Variants in CPEB2 observed in about 807,000 individuals in gnomAD.
CPEB2 encodes the protein cytoplasmic polyadenylation element-binding protein 2.
CPEB2 carries 56 observed loss-of-function variants against 93.6 expected under a neutral mutation model. That is an observed-to-expected ratio of 0.60 (90% confidence interval 0.48 to 0.75). CPEB2 has a LOEUF of 0.75. Among genes scored for constraint, CPEB2 ranks in the 30% least tolerant of loss-of-function variants. CPEB2 has a pLI of 0.00. For missense variants in CPEB2, 1,579 were observed against 1,395.1 expected (o/e 1.13, Z -2.10); for synonymous variants, 764 against 586.3 (o/e 1.30, Z -4.38).
At chr4:15,063,562 A>G (rs1319434512) in intron 11 of CPEB2, among the ~76,000 whole-genome samples, 2 of 152,110 alleles carry the variant, frequency 1.3e-5, no homozygotes, top group Admixed American at 6.6e-5. Flanking sequence ...AATTGGTTAT[A>G]AAGCTCCGGA....
At position 15,052,559 on chromosome 4, in the gene CPEB2, T is replaced by G. The variant is rs1560248999; in HGVS notation, c.2346T>G (p.Gly782=). Residue 782 remains glycine (G), a synonymous_variant, in exon 7 of 12, where the codon GGT becomes GGG. Transcript: ENST00000538197. ...IERFSRKVFV[G]GLPPDIDEDE... ...GCTTCTCTCGAAAAGTTTTTGTTGG[T>G]GGTCTTCCTCCAGATATTGATGAAG... 6.4e-7 allele frequency: 1 copy of G among 1,551,378 alleles called. No individual in the cohort carries two copies. Among genetic ancestry groups the G allele is most frequent in the Non-Finnish European group, 8.8e-7 (1 of 1,140,226 alleles).
At position 15,003,710 on chromosome 4, in the gene CPEB2, A is replaced by G. The variant is rs1299199687; in HGVS notation, c.1037A>G (p.Asp346Gly). Residue 346 changes from aspartate to glycine, a missense_variant, in exon 1 of 12, where the codon GAC becomes GGC. By Grantham distance (94) the Asp-to-Gly change is moderately conservative (BLOSUM62 -1). Around this residue, in one of 2 missense-constraint regions of CPEB2, gnomAD observed 1,411 missense variants for 1,056.0 expected, o/e 1.34. Transcript: ENST00000538197. The part of the protein sequence containing the change: ...AGAFSSLQSP[D>G]LPHPGGGGGG... ...GCCTTCAGCAGCCTGCAGAGCCCGG[A>G]CCTTCCACACCCGGGCGGCGGCGGC... 2 of 1,320,442 alleles carry G rather than the reference A, an allele frequency of 1.5e-6. No individual in the cohort carries two copies. The highest frequency in any genetic ancestry group is 3.7e-5 in the East Asian group (1 of 27,040). The allele number at this position is 1,320,442 out of a possible 1,614,324, so 81.8% of individuals were successfully genotyped here.
Position 15,003,496 on chromosome 4 carries a change from C to A in CPEB2, c.823C>A (p.Arg275Ser). The change falls in exon 1 of 12, where the codon CGC (arginine) becomes AGC (serine). Residue 275 changes from arginine (R) to serine (S), a missense_variant. By Grantham distance (110) the Arg-to-Ser change is moderately radical. Around this residue, in one of 2 missense-constraint regions of CPEB2, gnomAD observed 1,411 missense variants for 1,056.0 expected, o/e 1.34. Transcript: ENST00000538197. ...CTCGCCGCCTGCAGCCCCGCGGCGC[C>A]GCCACGGAGGCGCGGGCAGCCCTCG... ...PPSPPAAPRRRHGGAGSPRKT... is the reference protein window; with the variant it reads ...PPSPPAAPRRSHGGAGSPRKT... The A allele has an allele frequency of 7.1e-7, 1 of 1,405,194 alleles. No individual in the cohort carries two copies. The highest frequency in any genetic ancestry group is 1.5e-5 in the South Asian group (1 of 66,266). 87.0% of individuals were successfully genotyped at this position (1,405,194 alleles called of 1,614,324 possible).
At chr4:15,037,948 C>T (rs1234745722) in intron 5 of CPEB2, among the ~76,000 whole-genome samples, 1 of 152,016 alleles carries the variant, frequency 6.6e-6, no homozygotes, top group East Asian at 1.9e-4. Context: ...GAACATACTC[C>T]AGAAATTCAC....
At position 15,062,329 on chromosome 4, in the gene CPEB2, C is replaced by T. The variant is rs1201712978; in HGVS notation, c.2877+69C>T. ...GCTGATCCAAAGCCTCATACCCTAA[C>T]GAGTTAATAATATAATTTGAACACT... On this transcript the variant is annotated intron_variant, in intron 11 of 11. Transcript: ENST00000538197. 54 of 1,086,924 alleles carry T rather than the reference C, an allele frequency of 5.0e-5. No individual in the cohort carries two copies. The South Asian group carries it at 6.5e-4, about 13-fold the overall frequency. The allele number at this position is 1,086,924 out of a possible 1,614,324, so 67.3% of individuals were successfully genotyped here. A position where few individuals can be genotyped will look rare whatever the true frequency, so the allele number is the denominator to read the frequency against.
intron 10 of CPEB2, among the ~76,000 whole-genome samples, chr4:15,061,052 G>A (rs1230722979): frequency 2.6e-5 from 4 of 152,120 alleles, no homozygotes. Context: ...ATTGGAGCAG[G>A]TTTAATGGGA....
chr4:15,050,659 G>A (rs1728143181), intron 6 of CPEB2, among the ~76,000 whole-genome samples: 1 of 152,100 alleles, frequency 6.6e-6, no homozygotes, highest in Non-Finnish European at 1.5e-5. Context: ...ATCTCACATT[G>A]TTACTTAATT....
chr4:15,013,011 A>T (rs546292007), intron 3 of CPEB2, among the ~76,000 whole-genome samples: 1 of 152,126 alleles, frequency 6.6e-6, no homozygotes, highest in African/African-American at 2.4e-5. Flanking sequence ...ACTGCTTCTA[A>T]TATTGTACAC....
chr4:15,018,834 C>T (rs1322105475), intron 4 of CPEB2, among the ~76,000 whole-genome samples: 1 of 146,192 alleles, frequency 6.8e-6, no homozygotes, highest in Non-Finnish European at 1.5e-5. Flanking sequence ...TTAATTATCT[C>T]AGTTTTTCTT....
intron 10 of CPEB2, among the ~76,000 whole-genome samples, chr4:15,061,678 G>A (rs778079897): frequency 1.5e-4 from 23 of 150,276 alleles, no homozygotes; most frequent in Non-Finnish European, 2.8e-4. Flanking sequence ...TTTTTTTTAA[G>A]ATAGGAAAAT....
intron 5 of CPEB2, among the ~76,000 whole-genome samples, chr4:15,035,764 T>C (rs1409513145): frequency 6.6e-6 from 1 of 152,170 alleles, no homozygotes; most frequent in African/African-American, 2.4e-5. Flanking sequence ...AGGCACTGTT[T>C]CCTAAAGTGT....
At chr4:15,022,303 A>T (rs1724902522) in intron 4 of CPEB2, among the ~76,000 whole-genome samples, 1 of 152,192 alleles carries the variant, frequency 6.6e-6, no homozygotes, top group African/African-American at 2.4e-5. Flanking sequence ...AATAATATAC[A>T]TGCCAAAGCA....
chr4:15,003,881 A>C lies in CPEB2; in HGVS notation c.1208A>C (p.Gln403Pro). The change falls in exon 1 of 12, where the codon CAG becomes CCG. Residue 403 changes from glutamine to proline, a missense_variant. Gln to Pro is a moderately conservative substitution (Grantham distance 76, BLOSUM62 -1). Transcript: ENST00000538197. The part of the protein sequence containing the change: ...QPQQPPPTQP[Q>P]QQPPPPQQPP... Reference sequence around the variant, plus strand: ...CAGCAGCCGCCGCCGACCCAGCCGCAGCAGCAGCCGCCGCCACCCCAGCAG... The same window carrying C: ...CAGCAGCCGCCGCCGACCCAGCCGCCGCAGCAGCCGCCGCCACCCCAGCAG... The C allele has an allele frequency of 3.5e-6, 3 of 855,228 alleles. No individual in the cohort carries two copies. The highest frequency in any genetic ancestry group is 4.5e-5 in the East Asian group (1 of 22,360). The allele number at this position is 855,228 out of a possible 1,614,324, so 53.0% of individuals were successfully genotyped here.
chr4:15,024,071 A>T (rs1725143006), intron 4 of CPEB2, among the ~76,000 whole-genome samples: 1 of 152,074 alleles, frequency 6.6e-6, no homozygotes, highest in African/African-American at 2.4e-5. Flanking sequence ...CTAAGTATTT[A>T]TCATTAATTC....
intron 4 of CPEB2, among the ~76,000 whole-genome samples, chr4:15,028,963 G>A (rs1002020903): frequency 3.3e-5 from 5 of 152,006 alleles, no homozygotes; most frequent in Non-Finnish European, 5.9e-5. Context: ...CATGAAGTAA[G>A]GCTTTTTTAT....
At chr4:15,061,545 G>T (rs1377880172) in intron 10 of CPEB2, among the ~76,000 whole-genome samples, 1 of 151,320 alleles carries the variant, frequency 6.6e-6, no homozygotes, top group Admixed American at 6.6e-5. Context: ...AAAAAGAGTT[G>T]AATAAAGAGA....
rs1261285625 is a variant in CPEB2 at position 15,068,584 on chromosome 4, G to A, written c.*2204G>A. 6.6e-6 allele frequency: 1 copy of A among 152,092 alleles called. No homozygotes were observed. Among genetic ancestry groups the A allele is most frequent in the Non-Finnish European group, 1.5e-5 (1 of 67,800 alleles). The allele number at this position is 152,092 out of a possible 1,614,324, so 9.4% of individuals were successfully genotyped here. On this transcript the variant is annotated 3_prime_UTR_variant, in exon 12 of 12. Coordinates refer to ENST00000538197, the MANE Select transcript of CPEB2 (RefSeq NM_001177382.2). Reference sequence around the variant, plus strand: ...ATTTAGAGAAGAAATCAGTAGTTTTGCAATGTTAATTATTTAGATATTTAA... The same window carrying A: ...ATTTAGAGAAGAAATCAGTAGTTTTACAATGTTAATTATTTAGATATTTAA...
chr4:15,021,922 G>A (rs1228959344), intron 4 of CPEB2, among the ~76,000 whole-genome samples: 9 of 152,124 alleles, frequency 5.9e-5, no homozygotes, highest in Non-Finnish European at 7.4e-5. Context: ...CCTGTAAGGT[G>A]CTGACTGATT....
intron 3 of CPEB2, among the ~76,000 whole-genome samples, chr4:15,010,883 G>A (rs945978489): frequency 6.6e-6 from 1 of 152,000 alleles, no homozygotes; most frequent in Admixed American, 6.5e-5. Flanking sequence ...AGCTGAACAC[G>A]TAATCGAATT....
Sources: allele counts gnomAD v4.1 joint callset (sites outside exome capture counted in the v4.1 genomes callset), GRCh38; gene constraint gnomAD v4.1.1; regional missense constraint gnomAD v4.1.1; transcripts MANE v1.5; gene names NCBI Gene and HGNC (gene_info 2026-07-23, HGNC 2026-07-21).